Variants in MMP16 observed in about 807,000 individuals in gnomAD.
The protein encoded by MMP16 is matrix metallopeptidase 16.
A neutral mutation model predicts 67.8 loss-of-function variants in MMP16; 12 were observed. The observed-to-expected ratio is 0.18, with a 90% CI of 0.11 to 0.29. The LOEUF is 0.29. Among genes scored for constraint, MMP16 ranks in the 10% least tolerant of loss-of-function variants. The pLI, the probability that MMP16 is intolerant of heterozygous loss-of-function variation, is 1.00. For synonymous variants in MMP16, 249 were observed against 255.9 expected, an observed-to-expected ratio of 0.97 and a Z score of 0.26; for missense variants, 475 against 765.7, an observed-to-expected ratio of 0.62 and a Z score of 4.48.
chr8:88,224,318 T>C (rs536843052), intron 1 of MMP16, among the ~76,000 whole-genome samples: 1 of 152,172 alleles, frequency 6.6e-6, no homozygotes, highest in South Asian at 2.1e-4. Flanking sequence ...ATGAATCACA[T>C]AACTGATTAA....
At chr8:88,226,551 T>A (rs1211203245) in intron 1 of MMP16, among the ~76,000 whole-genome samples, 1 of 152,090 alleles carries the variant, frequency 6.6e-6, no homozygotes, top group Non-Finnish European at 1.5e-5. Context: ...AAGAAGCATG[T>A]TTTAGTTTTT....
chr8:88,321,093 AT>A (rs1485773558), intron 1 of MMP16, among the ~76,000 whole-genome samples: 2 of 152,146 alleles, frequency 1.3e-5, no homozygotes, highest in Admixed American at 6.6e-5. Context: ...TTAGTATGGA[AT>A]TTTTTATTGT....
intron 1 of MMP16, among the ~76,000 whole-genome samples, chr8:88,222,140 A>G (rs928215316): frequency 6.6e-6 from 1 of 152,026 alleles, no homozygotes; most frequent in Admixed American, 6.6e-5. Context: ...CCATCTTAAC[A>G]GTATTGTAGA....
intron 1 of MMP16, among the ~76,000 whole-genome samples, chr8:88,262,560 T>C (rs1286547074): frequency 2.0e-5 from 3 of 152,234 alleles, no homozygotes; most frequent in Admixed American, 6.5e-5. Context: ...TCAGCTTTGC[T>C]GGCTTTTGTC....
At chr8:88,148,571 T>G (rs1483356923) in intron 4 of MMP16, among the ~76,000 whole-genome samples, 1 of 152,208 alleles carries the variant, frequency 6.6e-6, no homozygotes, top group East Asian at 1.9e-4. Context: ...TTTGCTCACC[T>G]TGCCCTTGAA....
In MMP16 at chr8:88,038,569, G is replaced by T. The variant is rs1479952872; in HGVS notation, c.*2892C>A. ...GGGTGATGGAGTTCCTCAATGATTT[G>T]CACATGTCCCAAAATGACACAGTTC... On this transcript the variant is annotated 3_prime_UTR_variant, in exon 10 of 10. Coordinates refer to ENST00000286614, the MANE Select transcript of MMP16 (RefSeq NM_005941.5). This position sits in a 1 kb window ranked among gnomAD's most constrained non-coding sequence, Gnocchi z 4.1. 1 of 152,500 alleles carries T rather than the reference G, an allele frequency of 6.6e-6. No homozygotes were observed. The highest frequency in any genetic ancestry group is 1.5e-5 in the Non-Finnish European group (1 of 67,958). The allele number at this position is 152,500 out of a possible 1,614,324, so 9.4% of individuals were successfully genotyped here. A position where few individuals can be genotyped will look rare whatever the true frequency, so the allele number is the denominator to read the frequency against.
At chr8:88,323,820 ATATGAG>A in intron 1 of MMP16, among the ~76,000 whole-genome samples, 1 of 151,960 alleles carries the variant, frequency 6.6e-6, no homozygotes, top group East Asian at 1.9e-4. Context: ...GAAAATCCCT[ATATGAG>A]ATAGCTATTT....
rs139384477 is a variant in MMP16, at chr8:88,217,846, G to A, written c.133-20540C>T. Among the ~76,000 whole-genome samples the A allele has an allele frequency of 3.8e-3, 583 of 152,146 alleles. 4 individuals are homozygous for A. Among genetic ancestry groups the A allele is most frequent in the African/African-American group, 0.013 (553 of 41,550 alleles). On this transcript the variant is annotated intron_variant, in intron 1 of 9. Coordinates refer to ENST00000286614, the MANE Select transcript of MMP16 (RefSeq NM_005941.5). ...GAAAATTAAAATAAATCACATGGCTGAGCCAGTAAGTTAGATGCTTGGAGA... is the reference window on the plus strand; with the variant it reads ...GAAAATTAAAATAAATCACATGGCTAAGCCAGTAAGTTAGATGCTTGGAGA...
intron 1 of MMP16, among the ~76,000 whole-genome samples, chr8:88,302,054 G>T (rs886638661): frequency 6.6e-6 from 1 of 152,134 alleles, no homozygotes; most frequent in African/African-American, 2.4e-5. Context: ...ACCTTCACAA[G>T]AACACTGGAA....
intron 1 of MMP16, among the ~76,000 whole-genome samples, chr8:88,256,702 ACC>A (rs1810307731): frequency 1.4e-5 from 2 of 145,742 alleles, no homozygotes; most frequent in African/African-American, 5.1e-5. Context: ...ACACACACAC[ACC>A]CCACACACAC....
chr8:88,184,746 C>CAAAATAAAAAAAAAAAA (rs1809043499), intron 3 of MMP16, among the ~76,000 whole-genome samples: 1 of 47,494 alleles, frequency 2.1e-5, no homozygotes, highest in African/African-American at 9.6e-5. Context: ...GGCCCTGTCT[C>CAAAATAAAAAAAAAAAA]AAAAAAAAAA....
chr8:88,160,390 G>T (rs544925507), intron 4 of MMP16, among the ~76,000 whole-genome samples: 14 of 151,820 alleles, frequency 9.2e-5, no homozygotes, highest in Non-Finnish European at 1.8e-4. Flanking sequence ...ATTTGGGTTG[G>T]TTCCAAGTCT....
intron 1 of MMP16, among the ~76,000 whole-genome samples, chr8:88,211,338 T>C (rs559154881): frequency 6.6e-6 from 1 of 152,268 alleles, no homozygotes; most frequent in South Asian, 2.1e-4. Context: ...GTTATTATTA[T>C]TGCCATTGTA....
chr8:88,146,805 T>C (rs1487942146), intron 4 of MMP16, among the ~76,000 whole-genome samples: 1 of 151,914 alleles, frequency 6.6e-6, no homozygotes, highest in East Asian at 1.9e-4. Context: ...AAAAAAACTA[T>C]TTGGTAAATA....
intron 6 of MMP16, among the ~76,000 whole-genome samples, chr8:88,106,600 C>A (rs543565270): frequency 6.6e-6 from 1 of 151,116 alleles, no homozygotes. Flanking sequence ...AATGACAGTG[C>A]TAGTTCCCCA....
intron 2 of MMP16, among the ~76,000 whole-genome samples, chr8:88,195,393 T>C (rs1027442229): frequency 2.6e-5 from 4 of 152,162 alleles, no homozygotes; most frequent in African/African-American, 7.2e-5. Context: ...TCCCAAGTCC[T>C]CAGTTTATTT....
In MMP16 at chr8:88,083,221, T is replaced by G. The variant is rs1016708850; in HGVS notation, c.1084-8478A>C. On this transcript the variant is annotated intron_variant, in intron 6 of 9. Coordinates refer to ENST00000286614, the MANE Select transcript of MMP16 (RefSeq NM_005941.5). The stretch of plus-strand genomic sequence containing the variant: ...AAACACATACACAAACAGAATTTTC[T>G]AATTTTTTCTAAATTTTTAGGAAAT... 4.6e-5 allele frequency among the ~76,000 whole-genome samples: 7 copies of G among 152,120 alleles called. No individual in the cohort carries two copies. In the East Asian group the frequency reaches 1.3e-3, roughly 29 times the overall value.
intron 4 of MMP16, among the ~76,000 whole-genome samples, chr8:88,131,739 T>C (rs1808034444): frequency 6.6e-6 from 1 of 151,858 alleles, no homozygotes; most frequent in Admixed American, 6.6e-5. Flanking sequence ...CACCCACACG[T>C]AGCTTAATTC....
Position 88,058,516 on chromosome 8 carries a change from C to G in MMP16, c.1223-2238G>C, listed in dbSNP as rs1471749475. Among the ~76,000 whole-genome samples, 2 of 152,168 alleles carry G rather than the reference C, an allele frequency of 1.3e-5. No homozygotes were observed. The highest frequency in any genetic ancestry group is 3.9e-4 in the East Asian group (2 of 5,162). On this transcript the variant is annotated intron_variant, in intron 7 of 9. Coordinates refer to ENST00000286614, the MANE Select transcript of MMP16 (RefSeq NM_005941.5). The surrounding 1 kb of genome is among the most constrained non-coding windows in gnomAD (Gnocchi z 4.2). Reference sequence around the variant, plus strand: ...AATCAAACAGATGAATAAATTAAAACTTCAGAAAGCAAAGTGCTATACAAA... The same window carrying G: ...AATCAAACAGATGAATAAATTAAAAGTTCAGAAAGCAAAGTGCTATACAAA...
Sources: gnomAD v4.1 joint callset for allele counts (sites outside exome capture counted in the v4.1 genomes callset) on GRCh38, gnomAD v4.1.1 for gene constraint, Gnocchi (gnomAD v3.1) non-coding constraint, MANE v1.5 for transcripts, NCBI Gene and HGNC (gene_info 2026-07-23, HGNC 2026-07-21) for gene names.